RTN1: variants seen among roughly 807,000 people sequenced by gnomAD.
The protein encoded by RTN1 is reticulon-1.
Under a neutral mutation model 65.5 loss-of-function variants are expected in RTN1, and 25 were observed. The observed-to-expected ratio is 0.38, with a 90% CI of 0.28 to 0.53. The LOEUF is 0.53. RTN1 is among the 20% of genes least tolerant of loss of function. The pLI, the probability that RTN1 is intolerant of heterozygous loss-of-function variation, is 0.79. For missense variants in RTN1, 983 were observed against 1,025.4 expected (o/e 0.96, Z 0.57); for synonymous variants, 471 against 447.6 (o/e 1.05, Z -0.66).
At chr14:59,667,481 T>C (rs1883404352) in intron 3 of RTN1, among the ~76,000 whole-genome samples, 1 of 152,132 alleles carries the variant, frequency 6.6e-6, no homozygotes, top group Non-Finnish European at 1.5e-5. Context: ...GAGATATTTT[T>C]GACAGACCCA....
chr14:59,838,998 A>T (rs952907558), intron 1 of RTN1, among the ~76,000 whole-genome samples: 1 of 152,184 alleles, frequency 6.6e-6, no homozygotes, highest in Non-Finnish European at 1.5e-5. Flanking sequence ...TACATATTAC[A>T]AAGTTTCATA....
At chr14:59,847,666 A>C (rs1035995510) in intron 1 of RTN1, among the ~76,000 whole-genome samples, 11 of 152,226 alleles carry the variant, frequency 7.2e-5, no homozygotes, top group African/African-American at 2.7e-4. Flanking sequence ...AAGGAATACA[A>C]AGAACATTTG....
intron 1 of RTN1, among the ~76,000 whole-genome samples, chr14:59,782,942 A>G (rs1303041350): frequency 6.6e-6 from 1 of 152,138 alleles, no homozygotes; most frequent in Non-Finnish European, 1.5e-5. Flanking sequence ...CATTCTGTGG[A>G]GGCTGCAGGG....
chr14:59,708,050 A>G (rs775825622), intron 3 of RTN1, among the ~76,000 whole-genome samples: 8 of 152,250 alleles, frequency 5.3e-5, no homozygotes, highest in Non-Finnish European at 1.2e-4. Context: ...TGTTTATAGG[A>G]GCCAGTCTAT....
At position 59,799,847 on chromosome 14, in the gene RTN1, G is replaced by A. The variant is rs573471954; in HGVS notation, c.242-53366C>T. 4.6e-5 allele frequency among the ~76,000 whole-genome samples: 7 copies of A among 152,264 alleles called. No individual in the cohort carries two copies. In the South Asian group the frequency reaches 1.0e-3, roughly 23 times the overall value. ...GGAGAGGATTCCGTACTTTTCAAGA[G>A]CTTCCAGAGACACAAGGCAGAGTTT... is the stretch of plus-strand genomic sequence containing the variant. On this transcript the variant is annotated intron_variant, in intron 1 of 8. Coordinates refer to ENST00000267484, the MANE Select transcript of RTN1 (RefSeq NM_021136.3).
At chr14:59,694,637 A>G (rs1203715269) in intron 3 of RTN1, among the ~76,000 whole-genome samples, 6 of 152,246 alleles carry the variant, frequency 3.9e-5, no homozygotes, top group African/African-American at 1.4e-4. Context: ...CTCACAGCTC[A>G]GGTTGAAAAG....
intron 1 of RTN1, among the ~76,000 whole-genome samples, chr14:59,826,570 G>C (rs1887035205): frequency 6.6e-6 from 1 of 152,224 alleles, no homozygotes; most frequent in Non-Finnish European, 1.5e-5. Context: ...AATGGCTCCT[G>C]TGAACAAGCT....
chr14:59,676,699 A>C (rs1883635433), intron 3 of RTN1, among the ~76,000 whole-genome samples: 1 of 152,192 alleles, frequency 6.6e-6, no homozygotes, highest in Admixed American at 6.5e-5. Flanking sequence ...ATACTCACTA[A>C]AAATAAAAAT....
chr14:59,605,630 G>C, intron 4 of RTN1, 124 bp from the exon 5 acceptor site: 1 of 1,008,380 alleles, frequency 9.9e-7, no homozygotes. Flanking sequence ...GTCATCTCTG[G>C]GGGGTTATGC....
At chr14:59,604,194 G>C in intron 5 of RTN1, 1 of 218,970 alleles carries the variant, frequency 4.6e-6, no homozygotes, top group Non-Finnish European at 9.3e-6. Flanking sequence ...TTTTTGCATA[G>C]GCCCACGAGT....
At chr14:59,860,317 C>T (rs1296531445) in intron 1 of RTN1, among the ~76,000 whole-genome samples, 2 of 152,214 alleles carry the variant, frequency 1.3e-5, no homozygotes, top group African/African-American at 4.8e-5. Flanking sequence ...CAAGCCTTGG[C>T]AGCTTCCACG....
At chr14:59,784,453 A>T (rs940898675) in intron 1 of RTN1, among the ~76,000 whole-genome samples, 1 of 152,110 alleles carries the variant, frequency 6.6e-6, no homozygotes, top group African/African-American at 2.4e-5. Context: ...GAAAAAAAAA[A>T]AAAAAAATTG....
chr14:59,847,303 T>C (rs1035496626), intron 1 of RTN1, among the ~76,000 whole-genome samples: 7 of 152,120 alleles, frequency 4.6e-5, no homozygotes, highest in Non-Finnish European at 8.8e-5. Context: ...CAATGAAAAA[T>C]AGTCCCTATC....
intron 3 of RTN1, among the ~76,000 whole-genome samples, chr14:59,715,515 A>C (rs1884514870): frequency 6.6e-6 from 1 of 152,236 alleles, no homozygotes; most frequent in Non-Finnish European, 1.5e-5. Flanking sequence ...TCAGAGGACT[A>C]AGAAAGGGCA....
chr14:59,857,181 G>C (rs2139670891), intron 1 of RTN1, among the ~76,000 whole-genome samples: 1 of 152,250 alleles, frequency 6.6e-6, no homozygotes, highest in East Asian at 1.9e-4. Context: ...GGCTCAGGGA[G>C]CTTAAAGCTA....
intron 3 of RTN1, among the ~76,000 whole-genome samples, chr14:59,664,619 A>G (rs144252553): frequency 1.2e-4 from 19 of 152,284 alleles, no homozygotes; most frequent in African/African-American, 3.6e-4. Context: ...TGTATTAACT[A>G]TATTTTGTAT....
chr14:59,785,838 G>A (rs1425177081), intron 1 of RTN1, among the ~76,000 whole-genome samples: 1 of 152,136 alleles, frequency 6.6e-6, no homozygotes, highest in Middle Eastern at 3.2e-3. Context: ...TTAATATGGT[G>A]TTATTATTTG....
chr14:59,715,775 G>A (rs781399087), intron 3 of RTN1, among the ~76,000 whole-genome samples: 10 of 148,684 alleles, frequency 6.7e-5, no homozygotes, highest in Admixed American at 1.3e-4. Context: ...GCAGTGAGCC[G>A]ACATCGCACC....
At chr14:59,750,025 T>C in intron 1 of RTN1, among the ~76,000 whole-genome samples, 3 of 66,256 alleles carry the variant, frequency 4.5e-5, no homozygotes, top group African/African-American at 1.4e-4. Flanking sequence ...TTATATATTA[T>C]ATTATATACA....
Sources: allele counts gnomAD v4.1 joint callset (sites outside exome capture counted in the v4.1 genomes callset), GRCh38; gene constraint gnomAD v4.1.1; transcripts MANE v1.5; gene names NCBI Gene and HGNC (gene_info 2026-07-23, HGNC 2026-07-21).